MIER1: variants seen among roughly 807,000 people sequenced by gnomAD.
MIER1 encodes mesoderm induction early response protein 1.
In MIER1, 40 loss-of-function variants were observed where a neutral mutation model predicts 75.7. That is an observed-to-expected ratio of 0.53 (90% confidence interval 0.41 to 0.69). The LOEUF (loss-of-function observed/expected upper bound fraction) is 0.69, where lower values mean the gene tolerates loss of function less well. MIER1 is among the 30% of genes least tolerant of loss of function. The probability of loss-of-function intolerance (pLI) is 0.00; values close to 1 mark genes in which losing one functional copy is unlikely to be tolerated. For missense variants in MIER1, 574 were observed against 680.2 expected (o/e 0.84, Z 1.74); for synonymous variants, 213 against 223.4 (o/e 0.95, Z 0.42).
chr1:66,948,606 T>C (rs752077098), intron 4 of MIER1, among the ~76,000 whole-genome samples: 1 of 152,206 alleles, frequency 6.6e-6, no homozygotes, highest in Non-Finnish European at 1.5e-5. Flanking sequence ...AAAAAGCATA[T>C]GAAGGGCTGG....
rs66525570 is a variant in MIER1, at chr1:66,945,267, GTATATATATATATATATA to G, written c.194-850_194-833del. The stretch of plus-strand genomic sequence containing the variant: ...ATATGCTTTAAATAATCTGGTGTGT[GTATATATATATATATATA>G]TATATATATATATATATATATATAT... On this transcript the variant is annotated intron_variant, in intron 3 of 13. Coordinates refer to ENST00000401041, the MANE Select transcript of MIER1 (RefSeq NM_001077700.3). Among the ~76,000 whole-genome samples the G allele has an allele frequency of 3.8e-4, 54 of 141,936 alleles. 1 individual carries two copies. The highest frequency in any genetic ancestry group is 7.4e-4 in the African/African-American group (29 of 39,424). 93.1% of individuals were successfully genotyped at this position (141,936 alleles called of 152,430 possible).
chr1:66,925,273 C>T (rs1015089503), intron 1 of MIER1, 178 bp downstream of exon 1: 5 of 984,092 alleles, frequency 5.1e-6, no homozygotes, highest in Non-Finnish European at 6.0e-6. Context: ...TGCTCTCCGC[C>T]GGCTGCCAAA....
chr1:66,985,053 C>T lies in MIER1; in HGVS notation c.*153C>T. On this transcript the variant is annotated 3_prime_UTR_variant, in exon 14 of 14. Coordinates refer to ENST00000401041, the MANE Select transcript of MIER1 (RefSeq NM_001077700.3). ...AGGAAATGAGGTTTCATAATTCTGCCTTTTGCAGATTTTTTTACTTTAAAG... is the reference window on the plus strand; with the variant it reads ...AGGAAATGAGGTTTCATAATTCTGCTTTTTGCAGATTTTTTTACTTTAAAG... 1 of 1,362,482 alleles carries T rather than the reference C, an allele frequency of 7.3e-7. No homozygotes were observed. Among genetic ancestry groups the T allele is most frequent in the South Asian group, 2.0e-5 (1 of 49,898 alleles). 84.4% of individuals were successfully genotyped at this position (1,362,482 alleles called of 1,614,324 possible).
chr1:66,975,519 C>T (rs1664522246), intron 11 of MIER1, among the ~76,000 whole-genome samples: 1 of 147,082 alleles, frequency 6.8e-6, no homozygotes, highest in African/African-American at 2.5e-5. Context: ...GAGCATGACA[C>T]TATCTCAAAA....
intron 10 of MIER1, 139 bp from the exon 11 acceptor site, chr1:66,972,758 T>C (rs1663958846): frequency 1.8e-6 from 1 of 540,902 alleles, no homozygotes; most frequent in East Asian, 3.1e-5. Context: ...ACTTTATCTT[T>C]TGCAACAATT....
intron 4 of MIER1, among the ~76,000 whole-genome samples, chr1:66,955,291 T>TGGTTTTCA (rs1659862778): frequency 6.7e-6 from 1 of 149,380 alleles, no homozygotes; most frequent in African/African-American, 2.5e-5. Context: ...GTGAGATCAG[T>TGGTTTTCA]GGTTTTCAAG....
intron 2 of MIER1, chr1:66,930,281 G>GAGCGGCAGAGACGGC (rs1553237483): frequency 5.2e-6 from 8 of 1,542,702 alleles, no homozygotes; most frequent in Non-Finnish European, 6.1e-6. Context: ...GTGGCGGCGG[G>GAGCGGCAGAGACGGC]AGCGGCAGAG....
chr1:66,981,959 G>A lies in MIER1; in HGVS notation c.1369+41G>A, dbSNP rs752533192. On this transcript the variant is annotated intron_variant, in intron 13 of 13. Transcript: ENST00000401041. The stretch of plus-strand genomic sequence containing the variant: ...AACATTTCTCTTTCTTCATAATAAG[G>A]GACACTTTCTTGCAGTGACTTGGGA... The A allele has an allele frequency of 3.7e-5, 59 of 1,604,334 alleles. No individual in the cohort carries two copies. In the South Asian group the frequency reaches 6.3e-4, roughly 17 times the overall value.
intron 11 of MIER1, 122 bp downstream of exon 11, chr1:66,973,113 T>C (rs1664031775): frequency 1.7e-6 from 1 of 590,522 alleles, no homozygotes; most frequent in Non-Finnish European, 3.0e-6. Flanking sequence ...GACAATATTT[T>C]GGTATTTAGT....
chr1:66,968,162 T>A (rs1232581577), intron 8 of MIER1, among the ~76,000 whole-genome samples: 2 of 152,154 alleles, frequency 1.3e-5, no homozygotes, highest in Non-Finnish European at 2.9e-5. Context: ...GTAAGGAGGA[T>A]CAGACTAAAC....
rs1295142587 is a variant in MIER1, at chr1:66,958,878, C to G, written c.529C>G (p.Gln177Glu). ...GGAGAATATAAAGGATTCATCAGGTCAGGAGGATGAAACTCAGTCTTCCAA... is the reference window on the plus strand; with the variant it reads ...GGAGAATATAAAGGATTCATCAGGTGAGGAGGATGAAACTCAGTCTTCCAA... ...KEENIKDSSG[Q>E]EDETQSSNDD... Residue 177 changes from glutamine to glutamate, a missense_variant, in exon 6 of 14, where the codon CAG becomes GAG. By Grantham distance (29) the Gln-to-Glu change is conservative (BLOSUM62 2). Around this residue, in one of 3 missense-constraint regions of MIER1, gnomAD observed 309 missense variants for 352.8 expected, o/e 0.88. Coordinates refer to ENST00000401041, the MANE Select transcript of MIER1 (RefSeq NM_001077700.3). The G allele has an allele frequency of 1.9e-6, 3 of 1,610,390 alleles. No individual in the cohort carries two copies.
intron 13 of MIER1, among the ~76,000 whole-genome samples, chr1:66,983,709 T>C (rs938936355): frequency 3.9e-5 from 6 of 152,178 alleles, no homozygotes; most frequent in African/African-American, 1.2e-4. Flanking sequence ...TAAGTCTACT[T>C]AGGTAAATAG....
chr1:66,933,717 T>C (rs1654000468), intron 2 of MIER1, among the ~76,000 whole-genome samples: 2 of 152,218 alleles, frequency 1.3e-5, no homozygotes, highest in Non-Finnish European at 2.9e-5. Flanking sequence ...ATTAAGATTT[T>C]AAAAGTAGTC....
intron 3 of MIER1, among the ~76,000 whole-genome samples, chr1:66,944,183 A>G (rs1656923555): frequency 6.6e-6 from 1 of 152,078 alleles, no homozygotes; most frequent in Non-Finnish European, 1.5e-5. Flanking sequence ...CCTTATTCAT[A>G]ATAGTCGGAT....
At chr1:66,936,512 C>T (rs1654878326) in intron 2 of MIER1, among the ~76,000 whole-genome samples, 1 of 151,976 alleles carries the variant, frequency 6.6e-6, no homozygotes, top group South Asian at 2.1e-4. Context: ...GGATTACAGG[C>T]GTGAGCCACC....
intron 8 of MIER1, among the ~76,000 whole-genome samples, chr1:66,965,462 C>T (rs914060990): frequency 1.3e-5 from 2 of 151,318 alleles, no homozygotes; most frequent in African/African-American, 2.4e-5. Context: ...TTAATATGTT[C>T]GTATTATATA....
intron 2 of MIER1, among the ~76,000 whole-genome samples, chr1:66,933,094 T>C (rs1342476953): frequency 1.3e-5 from 2 of 152,166 alleles, no homozygotes; most frequent in African/African-American, 4.8e-5. Context: ...TTTTTGGCAA[T>C]ATTTCTCATT....
At chr1:66,953,167 A>T (rs966539560) in intron 4 of MIER1, among the ~76,000 whole-genome samples, 7 of 152,212 alleles carry the variant, frequency 4.6e-5, no homozygotes, top group African/African-American at 1.7e-4. Context: ...GTGAACTTTC[A>T]AGAAAAATAA....
rs762886463 is a variant in MIER1 at position 66,946,214 on chromosome 1, T to C, written c.258T>C (p.Phe86=). 3.7e-6 allele frequency: 6 copies of C among 1,612,020 alleles called. No homozygotes were observed. In the African/African-American group the frequency reaches 5.3e-5, roughly 14 times the overall value. ...DPSADMLVHD[F]DDERTLEEEE... is the part of the protein sequence containing the mutation. ...CAGCTGACATGCTGGTTCATGATTT[T>C]GATGATGAACGAACATTAGAAGAGG... Residue 86 remains phenylalanine, a synonymous_variant, in exon 4 of 14, where the codon TTT becomes TTC. Transcript: ENST00000401041.
Sources: gnomAD v4.1 joint callset for allele counts (sites outside exome capture counted in the v4.1 genomes callset) on GRCh38, gnomAD v4.1.1 for gene constraint, gnomAD v4.1.1 regional missense constraint, MANE v1.5 for transcripts, NCBI Gene and HGNC (gene_info 2026-07-23, HGNC 2026-07-21) for gene names.